The following RSRP1 variants were observed in gnomAD, a reference collection of about 807,000 sequenced individuals.
The protein encoded by RSRP1 is arginine/serine-rich protein 1.
Under a neutral mutation model 33.0 loss-of-function variants are expected in RSRP1, and 37 were observed. The observed-to-expected ratio is 1.12, with a 90% confidence interval of 0.86 to 1.48. RSRP1 has a LOEUF of 1.48. Among genes scored for constraint, RSRP1 ranks in the 40% most tolerant of loss-of-function variants. The pLI is 0.00. For synonymous variants in RSRP1, 167 were observed against 158.7 expected, an observed-to-expected ratio of 1.05 and a Z score of -0.40; for missense variants, 402 against 385.3, an observed-to-expected ratio of 1.04 and a Z score of -0.36.
At chr1:25,249,544 G>A (rs186577504), upstream of RSRP1, among the ~76,000 whole-genome samples, 231 of 152,224 alleles carry the variant, frequency 1.5e-3, 2 homozygotes, top group African/African-American at 5.3e-3. Context: ...TTTTCACCAT[G>A]TTGGCCAGGC....
intron 1 of RSRP1, among the ~76,000 whole-genome samples, chr1:25,263,086 G>C (rs1469831770): frequency 6.6e-6 from 1 of 152,172 alleles, no homozygotes; most frequent in Non-Finnish European, 1.5e-5. Flanking sequence ...TAATATCTGA[G>C]CAGAGACTTG....
rs1276396078 is a variant in RSRP1 at position 25,315,368 on chromosome 1, G to A, written c.-67+22610C>T. 9.2e-5 allele frequency among the ~76,000 whole-genome samples: 12 copies of A among 130,306 alleles called. 1 individual carries two copies. Among genetic ancestry groups the A allele is most frequent in the Admixed American group, 9.0e-4 (12 of 13,360 alleles). 85.5% of individuals were successfully genotyped at this position (130,306 alleles called of 152,430 possible). The stretch of plus-strand genomic sequence containing the variant: ...CAAAGATGGCAAAGATGAGGGCCTG[G>A]AGCTTGCCACACGGAAGGGGGGATG... On this transcript the variant is annotated intron_variant, in intron 1 of 1. Transcript: ENST00000561867.
rs370563847 is a variant in RSRP1, at chr1:25,270,155, G to C, written c.-66-23126C>G. ...TGACTGCCAGAAATAGAGCAGAAAT[G>C]AGAACCAGGAGGCAATTGTGAGAGG... On this transcript the variant is annotated intron_variant, in intron 1 of 1. Transcript: ENST00000561867. Among the ~76,000 whole-genome samples, 16 of 132,116 alleles carry C rather than the reference G, an allele frequency of 1.2e-4. 1 individual carries two copies. Among genetic ancestry groups the C allele is most frequent in the East Asian group, 9.8e-4 (5 of 5,126 alleles). The allele number at this position is 132,116 out of a possible 152,430, so 86.7% of individuals were successfully genotyped here.
chr1:25,329,156 T>A, intron 1 of RSRP1: 1 of 1,002,096 alleles, frequency 1.0e-6, no homozygotes, highest in South Asian at 1.4e-5. Flanking sequence ...ATGTACCACA[T>A]AACAACATCT....
Position 25,246,647 on chromosome 1 carries a change from CG to C in RSRP1, c.316del (p.Arg106GlyfsTer65). On this transcript the variant is annotated frameshift_variant, in exon 2 of 5. Transcript: ENST00000243189. LOFTEE classifies it high-confidence loss of function. ...CCGGGACCGGTACCGCGAAGGAGACCGGTAGTATCTCCTGGTGAACCCGTAG... is the reference window on the plus strand; with the variant it reads ...CCGGGACCGGTACCGCGAAGGAGACCGTAGTATCTCCTGGTGAACCCGTAG... ...RRYGFTRRYY[R>X]SPSRYRSRSR... 1 of 1,614,058 alleles carries C rather than the reference CG, an allele frequency of 6.2e-7. No homozygotes were observed.
intron 1 of RSRP1, among the ~76,000 whole-genome samples, chr1:25,310,161 T>G (rs1644064130): frequency 7.5e-6 from 1 of 132,994 alleles, no homozygotes; most frequent in African/African-American, 2.5e-5. Flanking sequence ...CAGTTTTGTC[T>G]GTTTTTGTAC....
At chr1:25,329,233 C>CA in intron 1 of RSRP1, 3 of 434,404 alleles carry the variant, frequency 6.9e-6, no homozygotes, top group Non-Finnish European at 1.2e-5. Context: ...TATTATTATT[C>CA]CTTGTTTTTT....
chr1:25,264,369 A>C (rs1044657021), intron 1 of RSRP1, among the ~76,000 whole-genome samples: 1 of 151,838 alleles, frequency 6.6e-6, no homozygotes, highest in African/African-American at 2.4e-5. Context: ...AAGGTTTCCA[A>C]ACCCCAATTC....
Position 25,311,945 on chromosome 1 carries a change from G to T in RSRP1, c.-67+26033C>A, listed in dbSNP as rs1377601849. Among the ~76,000 whole-genome samples the T allele has an allele frequency of 1.9e-4, 25 of 130,196 alleles. 7 individuals carry two copies. The highest frequency in any genetic ancestry group is 3.7e-4 in the Admixed American group (5 of 13,556). 85.4% of individuals were successfully genotyped at this position (130,196 alleles called of 152,430 possible). A position where few individuals can be genotyped will look rare whatever the true frequency, so the allele number is the denominator to read the frequency against. ...CCCAGAGAGCCCCTAGTAGAGCAGG[G>T]TCTAGTGGAGCTACAAGGGTGGGGC... On this transcript the variant is annotated intron_variant, in intron 1 of 1. Transcript: ENST00000561867.
chr1:25,259,510 ACT>A (rs1491408373), intron 1 of RSRP1, among the ~76,000 whole-genome samples: 1 of 150,392 alleles, frequency 6.6e-6, no homozygotes, highest in Non-Finnish European at 1.5e-5. Context: ...AGATTTTTAT[ACT>A]TTTTTTTTTG....
Position 25,246,530 on chromosome 1 carries a change from G to A in RSRP1, c.434C>T (p.Thr145Ile). 3 of 1,614,228 alleles carry A rather than the reference G, an allele frequency of 1.9e-6. No homozygotes were observed. Among genetic ancestry groups the A allele is most frequent in the East Asian group, 2.2e-5 (1 of 44,886 alleles). The part of the protein sequence containing the change: ...RGQRYYGFGR[T>I]VYPEEHSRWR... ...TCTGCTGTGCTCCTCCGGGTACACT[G>A]TGCGACCAAAGCCGTAGTAGCGCTG... Residue 145 changes from threonine to isoleucine, a missense_variant, in exon 2 of 5, where the codon ACA (threonine) becomes ATA (isoleucine). Thr to Ile is a moderately conservative substitution (Grantham distance 89, BLOSUM62 -1). Coordinates refer to ENST00000243189, the MANE Select transcript of RSRP1 (RefSeq NM_020317.5).
intron 1 of RSRP1, among the ~76,000 whole-genome samples, chr1:25,254,413 T>C (rs1333366800): frequency 6.8e-6 from 1 of 147,870 alleles, no homozygotes; most frequent in Non-Finnish European, 1.5e-5. Context: ...ACAGCCACCA[T>C]ATAGAGATGT....
At chr1:25,268,537 A>G (rs1442202540) in intron 1 of RSRP1, among the ~76,000 whole-genome samples, 5 of 131,526 alleles carry the variant, frequency 3.8e-5, no homozygotes, top group African/African-American at 1.3e-4. Context: ...TAAATACACA[A>G]GTAAAAATAT....
At position 25,301,574 on chromosome 1, in the gene RSRP1, G is replaced by T. The variant is rs374920252; in HGVS notation, c.-67+36404C>A. 5.1e-6 allele frequency: 7 copies of T among 1,379,750 alleles called. 1 individual carries two copies. In the African/African-American group the frequency reaches 1.0e-4, roughly 20 times the overall value. 85.5% of individuals were successfully genotyped at this position (1,379,750 alleles called of 1,614,324 possible). On this transcript the variant is annotated intron_variant, in intron 1 of 1. Transcript: ENST00000561867. The stretch of plus-strand genomic sequence containing the variant: ...AGTTTCAACTCTGCTCTGCTGAGAA[G>T]TCCAATCGAAAGGAAGAATGCCGTG...
rs377217376 is a variant in RSRP1, at chr1:25,290,746, G to A, written c.-66-43717C>T. On this transcript the variant is annotated intron_variant, in intron 1 of 1. Transcript: ENST00000561867. ...TGGTGGTGATGGTGCTGGTGGAGGT[G>A]ACAGCTTTAGGCAACCTGAGGATGG... 8 of 1,377,758 alleles carry A rather than the reference G, an allele frequency of 5.8e-6. 1 individual carries two copies. The highest frequency in any genetic ancestry group is 7.2e-6 in the Non-Finnish European group (7 of 978,362). 85.3% of individuals were successfully genotyped at this position (1,377,758 alleles called of 1,614,324 possible).
In RSRP1 at chr1:25,315,186, A is replaced by T; in HGVS notation, c.-67+22792T>A. Among the ~76,000 whole-genome samples the T allele has an allele frequency of 1.5e-5, 2 of 130,086 alleles. 1 individual carries two copies. The highest frequency in any genetic ancestry group is 5.3e-5 in the African/African-American group (2 of 37,876). The allele number at this position is 130,086 out of a possible 152,430, so 85.3% of individuals were successfully genotyped here. On this transcript the variant is annotated intron_variant, in intron 1 of 1. Transcript: ENST00000561867. Reference sequence around the variant, plus strand: ...AAATTTTTTTTGCAAGGTCATGCATATGTCCCCCTGATTTTTTTCCTAAAA... The same window carrying T: ...AAATTTTTTTTGCAAGGTCATGCATTTGTCCCCCTGATTTTTTTCCTAAAA...
rs1237795667 is a variant in RSRP1 at position 25,279,681 on chromosome 1, G to T, written c.-66-32652C>A. ...CTGGAACGTGGGGTACTGTCTATCTGTGTGCCTGCTGTTACAACAATGGTG... is the reference window on the plus strand; with the variant it reads ...CTGGAACGTGGGGTACTGTCTATCTTTGTGCCTGCTGTTACAACAATGGTG... On this transcript the variant is annotated intron_variant, in intron 1 of 1. Coordinates refer to the RSRP1 transcript ENST00000561867. Among the ~76,000 whole-genome samples the T allele has an allele frequency of 5.7e-5, 7 of 123,034 alleles. 1 individual carries two copies. In the East Asian group the frequency reaches 1.4e-3, roughly 24 times the overall value. 80.7% of individuals were successfully genotyped at this position (123,034 alleles called of 152,430 possible).
intron 4 of RSRP1, among the ~76,000 whole-genome samples, chr1:25,242,935 C>T (rs1182853554): frequency 1.3e-5 from 2 of 152,020 alleles, no homozygotes; most frequent in African/African-American, 2.4e-5. Context: ...CCTAAAAATA[C>T]AAAAATTAGC....
At chr1:25,295,440 G>A (rs2124656137) in intron 1 of RSRP1, among the ~76,000 whole-genome samples, 1 of 105,376 alleles carries the variant, frequency 9.5e-6, no homozygotes. Flanking sequence ...ATTGTTCTCA[G>A]GCTGCGTTGA....
Sources: allele counts gnomAD v4.1 joint callset (sites outside exome capture counted in the v4.1 genomes callset), GRCh38; gene constraint gnomAD v4.1.1; transcripts MANE v1.5; gene names NCBI Gene and HGNC (gene_info 2026-07-23, HGNC 2026-07-21).